Variants in AHCY observed in about 807,000 individuals in gnomAD.
AHCY encodes adenosylhomocysteinase, also known as S-adenosyl-L-homocysteine hydrolase.
AHCY carries 24 observed loss-of-function variants against 45.4 expected under a neutral mutation model. The observed-to-expected ratio is 0.53, with a 90% CI of 0.38 to 0.74. The LOEUF (loss-of-function observed/expected upper bound fraction) is 0.74, where lower values mean the gene tolerates loss of function less well. Among genes scored for constraint, AHCY ranks in the 30% least tolerant of loss-of-function variants. The pLI, the probability that AHCY is intolerant of heterozygous loss-of-function variation, is 0.00. For synonymous variants in AHCY, 245 were observed against 235.1 expected (o/e 1.04, Z -0.39); for missense variants, 449 against 594.1 (o/e 0.76, Z 2.54).
the AHCY span, among the ~76,000 whole-genome samples, chr20:34,272,320 T>C: frequency 6.6e-6 from 1 of 152,230 alleles, no homozygotes; most frequent in Non-Finnish European, 1.5e-5. Flanking sequence ...CAGACTTGTG[T>C]GACCCCAAAA....
intron 1 of AHCY, among the ~76,000 whole-genome samples, chr20:34,301,452 C>T (rs140469476): frequency 5.8e-4 from 89 of 152,334 alleles, no homozygotes; most frequent in African/African-American, 2.1e-3. Context: ...CACAGGAACA[C>T]CTGTCCCCAG....
the AHCY span, chr20:34,269,227 C>T: frequency 7.0e-7 from 1 of 1,431,816 alleles, no homozygotes; most frequent in Non-Finnish European, 9.1e-7. Flanking sequence ...GCTTCTCGGG[C>T]GGGTGATCCC....
At chr20:34,267,720 C>T in the AHCY span, among the ~76,000 whole-genome samples, 1 of 151,794 alleles carries the variant, frequency 6.6e-6, no homozygotes, top group Admixed American at 6.6e-5. Context: ...TTAGTAGAGA[C>T]GGGTTTCTCC....
At chr20:34,283,280 A>C (rs1206169343) in intron 9 of AHCY, among the ~76,000 whole-genome samples, 2 of 152,158 alleles carry the variant, frequency 1.3e-5, no homozygotes, top group Non-Finnish European at 2.9e-5. Context: ...TCCTGGCCTG[A>C]TACTTAACAT....
intron 9 of AHCY, 125 bp downstream of exon 9, chr20:34,285,315 G>C: frequency 9.7e-7 from 1 of 1,029,136 alleles, no homozygotes; most frequent in Non-Finnish European, 1.5e-6. Context: ...CTGCACTGTA[G>C]AGGACCCCAT....
At chr20:34,262,934 G>A in the AHCY span, 3 of 1,608,820 alleles carry the variant, frequency 1.9e-6, no homozygotes, top group Admixed American at 1.7e-5. Context: ...TTGTTGGGGT[G>A]AGACTGGACT....
the AHCY span, among the ~76,000 whole-genome samples, chr20:34,240,966 G>A: frequency 9.9e-5 from 15 of 152,242 alleles, no homozygotes; most frequent in Non-Finnish European, 1.9e-4. Flanking sequence ...AGATGAGGTG[G>A]GGAAGCCAGC....
intron 3 of AHCY, chr20:34,293,796 C>T (rs1048995607): frequency 1.0e-5 from 5 of 491,350 alleles, no homozygotes; most frequent in South Asian, 4.1e-5. Context: ...CCACATCCTT[C>T]CTTTAATGAA....
chr20:34,245,562 A>AT, the AHCY span, among the ~76,000 whole-genome samples: 5 of 150,108 alleles, frequency 3.3e-5, no homozygotes, highest in Middle Eastern at 3.4e-3. Context: ...TAAATTTTGT[A>AT]TTTTTTTTGG....
chr20:34,304,360 T>C (rs2036868286), upstream of AHCY, among the ~76,000 whole-genome samples: 1 of 152,222 alleles, frequency 6.6e-6, no homozygotes, highest in Non-Finnish European at 1.5e-5. Flanking sequence ...GTCCCTCATA[T>C]AAAATGAGGC....
the AHCY span, among the ~76,000 whole-genome samples, chr20:34,257,337 A>C: frequency 6.6e-6 from 1 of 151,988 alleles, no homozygotes; most frequent in Non-Finnish European, 1.5e-5. Context: ...CATTCGCTTC[A>C]GCCTCCCAAA....
At chr20:34,236,008 GAGAA>G in the AHCY span, among the ~76,000 whole-genome samples, 48 of 103,442 alleles carry the variant, frequency 4.6e-4, 1 homozygote, top group African/African-American at 3.6e-3. Context: ...AGGAGAAAGA[GAGAA>G]AGAGAGAGAG....
the AHCY span, among the ~76,000 whole-genome samples, chr20:34,257,971 T>C: frequency 1.2e-4 from 19 of 152,104 alleles, no homozygotes; most frequent in South Asian, 3.9e-3. Flanking sequence ...TGGTGAAACC[T>C]TGTCTCTACA....
At chr20:34,246,376 C>G in the AHCY span, 1 of 1,454,008 alleles carries the variant, frequency 6.9e-7, no homozygotes, top group Non-Finnish European at 9.4e-7. Flanking sequence ...TCTTCTCTAA[C>G]CATTGTTTAC....
chr20:34,253,565 C>T, the AHCY span, among the ~76,000 whole-genome samples: 49 of 151,756 alleles, frequency 3.2e-4, no homozygotes, highest in African/African-American at 1.1e-3. Context: ...CTCCGCCTCC[C>T]GGTTCAAGCG....
chr20:34,275,666 T>C (rs2035904601), downstream of AHCY, among the ~76,000 whole-genome samples: 1 of 151,246 alleles, frequency 6.6e-6, no homozygotes, highest in African/African-American at 2.5e-5. Flanking sequence ...CTCAATTGTG[T>C]TGGCTTTATA....
At chr20:34,235,593 T>C in the AHCY span, among the ~76,000 whole-genome samples, 5 of 151,946 alleles carry the variant, frequency 3.3e-5, no homozygotes, top group African/African-American at 9.7e-5. Context: ...ATAACAATCA[T>C]GGCCAAAACA....
At chr20:34,298,432 C>CAA (rs2036645177) in intron 1 of AHCY, among the ~76,000 whole-genome samples, 1 of 152,032 alleles carries the variant, frequency 6.6e-6, no homozygotes, top group South Asian at 2.1e-4. Flanking sequence ...GACCAGAAGA[C>CAA]AAGAGTGCGA....
intron 1 of AHCY, among the ~76,000 whole-genome samples, chr20:34,300,117 G>A (rs187315273): frequency 4.6e-5 from 7 of 152,196 alleles, no homozygotes; most frequent in African/African-American, 1.2e-4. Context: ...CCTGGGAGGC[G>A]GAGGTGGCAG....
Sources: gnomAD v4.1 joint callset for allele counts (sites outside exome capture counted in the v4.1 genomes callset) on GRCh38, gnomAD v4.1.1 for gene constraint, MANE v1.5 for transcripts, NCBI Gene and HGNC (gene_info 2026-07-23, HGNC 2026-07-21) for gene names.